ITGB8: variants seen among roughly 807,000 people sequenced by gnomAD.
ITGB8 encodes integrin beta-8.
Under a neutral mutation model 89.5 loss-of-function variants are expected in ITGB8, and 30 were observed. That is an observed-to-expected ratio of 0.34 (90% CI 0.25 to 0.45). The LOEUF (loss-of-function observed/expected upper bound fraction) is 0.45, where lower values mean the gene tolerates loss of function less well. Ranked by LOEUF, ITGB8 falls within the 20% of genes least tolerant of loss-of-function variation. The pLI is 1.00. For synonymous variants in ITGB8, 335 were observed against 320.4 expected (o/e 1.05, Z -0.49); for missense variants, 836 against 933.3 (o/e 0.90, Z 1.36).
chr7:20,342,180 C>T lies in ITGB8; in HGVS notation c.127+10247C>T, dbSNP rs966400378. Among the ~76,000 whole-genome samples the T allele has an allele frequency of 4.6e-5, 7 of 152,122 alleles. No homozygotes were observed. The East Asian group carries it at 7.7e-4, about 17-fold the overall frequency. On this transcript the variant is annotated intron_variant, in intron 1 of 13. Transcript: ENST00000222573. ...TGAAAGAACATCAAGCTCCAGAGGA[C>T]GTAAGAATTGGCCTCCAAGTTGTAT...
At chr7:20,374,979 G>A (rs775878031) in intron 3 of ITGB8, among the ~76,000 whole-genome samples, 16 of 152,178 alleles carry the variant, frequency 1.1e-4, no homozygotes, top group Non-Finnish European at 2.2e-4. Context: ...CAGGCAAAAA[G>A]ACAATGAAGG....
chr7:20,363,155 A>G (rs1158101782), intron 1 of ITGB8, among the ~76,000 whole-genome samples: 1 of 152,176 alleles, frequency 6.6e-6, no homozygotes, highest in Non-Finnish European at 1.5e-5. Flanking sequence ...GCCCATCAAG[A>G]TTGTTTCTCA....
At chr7:20,406,411 G>A (rs1031393345) in intron 12 of ITGB8, among the ~76,000 whole-genome samples, 3 of 152,046 alleles carry the variant, frequency 2.0e-5, no homozygotes, top group African/African-American at 7.2e-5. Context: ...TTGGCCAGGC[G>A]CAGTGGCGGG....
chr7:20,336,221 C>T (rs937465210), intron 1 of ITGB8, among the ~76,000 whole-genome samples: 5 of 151,798 alleles, frequency 3.3e-5, no homozygotes, highest in African/African-American at 7.3e-5. Context: ...TAGCCAGGAT[C>T]GTCTTGATCT....
intron 3 of ITGB8, among the ~76,000 whole-genome samples, chr7:20,377,863 C>T (rs1786216737): frequency 6.6e-6 from 1 of 152,128 alleles, no homozygotes; most frequent in Admixed American, 6.5e-5. Context: ...GGCTGAAAAA[C>T]ATCTGATTTG....
Position 20,391,981 on chromosome 7 carries a change from G to A in ITGB8, c.1056+483G>A, listed in dbSNP as rs188011211. On this transcript the variant is annotated intron_variant, in intron 7 of 13. Coordinates refer to ENST00000222573, the MANE Select transcript of ITGB8 (RefSeq NM_002214.3). The stretch of plus-strand genomic sequence containing the variant: ...CAATAACGGACCAAAAGGGGCCATC[G>A]AAGTGTCTGAGCCAGTCAAAGCCTT... Among the ~76,000 whole-genome samples the A allele has an allele frequency of 6.9e-4, 105 of 152,134 alleles. No individual in the cohort carries two copies. In the Middle Eastern group the frequency reaches 0.014, roughly 20 times the overall value.
intron 1 of ITGB8, chr7:20,346,787 CAG>C (rs1232437748): frequency 1.0e-6 from 1 of 985,146 alleles, no homozygotes; most frequent in Non-Finnish European, 1.2e-6. Context: ...GCTCCACAGG[CAG>C]AGAGGAGGCA....
intron 1 of ITGB8, among the ~76,000 whole-genome samples, chr7:20,351,467 T>C (rs375357019): frequency 9.3e-4 from 142 of 152,364 alleles, no homozygotes; most frequent in Admixed American, 1.6e-3. Flanking sequence ...AAGCTTCAGG[T>C]AGATCATTTA....
At chr7:20,373,214 G>T (rs1786006082) in intron 3 of ITGB8, among the ~76,000 whole-genome samples, 1 of 152,156 alleles carries the variant, frequency 6.6e-6, no homozygotes, top group African/African-American at 2.4e-5. Flanking sequence ...ATTTTAATTG[G>T]ATGTTTTAAA....
At chr7:20,334,255 T>C (rs1189377344) in intron 1 of ITGB8, among the ~76,000 whole-genome samples, 1 of 152,178 alleles carries the variant, frequency 6.6e-6, no homozygotes, top group Non-Finnish European at 1.5e-5. Flanking sequence ...AGAGAAATAA[T>C]AGCACTGTAA....
chr7:20,403,318 C>T (rs777721516), intron 10 of ITGB8, among the ~76,000 whole-genome samples: 6 of 152,184 alleles, frequency 3.9e-5, no homozygotes, highest in Non-Finnish European at 8.8e-5. Context: ...TCTGAAGTCA[C>T]GTCCCACAGC....
In ITGB8 at chr7:20,381,753, T is replaced by A. The variant is rs1786405656; in HGVS notation, c.828T>A (p.Ala276=). The A allele has an allele frequency of 6.2e-7, 1 of 1,612,846 alleles. No individual in the cohort carries two copies. The highest frequency in any genetic ancestry group is 1.3e-5 in the African/African-American group (1 of 74,934). The part of the protein sequence containing the change: ...CESHIGWRKE[A]KRLLLVMTDQ... ...GTCATATCGGATGGCGAAAAGAGGC[T>A]AAAAGATTGCTGCTGGTGATGACAG... Residue 276 remains alanine (A), a synonymous_variant, in exon 6 of 14, where the codon GCT becomes GCA. Transcript: ENST00000222573.
At position 20,331,373 on chromosome 7, in the gene ITGB8, T is replaced by TC. The variant is rs1018315264; in HGVS notation, c.-427dup. 46 of 397,696 alleles carry TC rather than the reference T, an allele frequency of 1.2e-4. No homozygotes were observed. Among genetic ancestry groups the TC allele is most frequent in the South Asian group, 2.8e-4 (2 of 7,166 alleles). The allele number at this position is 397,696 out of a possible 1,614,324, so 24.6% of individuals were successfully genotyped here. On this transcript the variant is annotated 5_prime_UTR_variant, in exon 1 of 14. An upstream open reading frame in the 5' UTR loses its in-frame stop. Coordinates refer to ENST00000222573, the MANE Select transcript of ITGB8 (RefSeq NM_002214.3). ...CCAGTGAATGTACATTAGGGTGGTT[T>TC]CCCCCCCAGCTTCGGGCTTTGTTTG... is the stretch of plus-strand genomic sequence containing the variant.
intron 7 of ITGB8, among the ~76,000 whole-genome samples, chr7:20,392,236 TG>T (rs1368914978): frequency 6.6e-6 from 1 of 152,226 alleles, no homozygotes; most frequent in Non-Finnish European, 1.5e-5. Context: ...ATTTTCATTG[TG>T]CATCTCTGTT....
chr7:20,342,509 A>G (rs1784795794), intron 1 of ITGB8, among the ~76,000 whole-genome samples: 1 of 152,186 alleles, frequency 6.6e-6, no homozygotes, highest in African/African-American at 2.4e-5. Context: ...TTGGTTACAC[A>G]AGACCAGGTT....
At chr7:20,375,717 C>A (rs1786113791) in intron 3 of ITGB8, among the ~76,000 whole-genome samples, 1 of 152,152 alleles carries the variant, frequency 6.6e-6, no homozygotes, top group African/African-American at 2.4e-5. Flanking sequence ...GGAACACTGA[C>A]ATATCATCTA....
intron 10 of ITGB8, among the ~76,000 whole-genome samples, chr7:20,402,920 T>C (rs1787373133): frequency 6.6e-6 from 1 of 152,254 alleles, no homozygotes; most frequent in African/African-American, 2.4e-5. Context: ...ATCTGAGTTC[T>C]GTGATAATTT....
In ITGB8 at chr7:20,367,055, T is replaced by A. The variant is rs935346770; in HGVS notation, c.257T>A (p.Val86Asp). The change falls in exon 3 of 14, where the codon GTT (valine) becomes GAT (aspartate). Residue 86 changes from valine (V) to aspartate (D), a missense_variant. Physicochemically the swap from Val to Asp is radical, Grantham distance 152. Coordinates refer to ENST00000222573, the MANE Select transcript of ITGB8 (RefSeq NM_002214.3). ...TCAAGAAGTGAACGTTGTGATATTG[T>A]TTCCAATTTAATAAGCAAAGGCTGC... ...GGSRSERCDI[V>D]SNLISKGCSV... 6.2e-7 allele frequency: 1 copy of A among 1,612,646 alleles called. No individual in the cohort carries two copies. The highest frequency in any genetic ancestry group is 8.5e-7 in the Non-Finnish European group (1 of 1,179,370).
chr7:20,372,278 T>G (rs1583502717), intron 3 of ITGB8, among the ~76,000 whole-genome samples: 1 of 152,204 alleles, frequency 6.6e-6, no homozygotes, highest in Non-Finnish European at 1.5e-5. Context: ...TAATGATGAT[T>G]TGGTCCTTCT....
Sources: gnomAD v4.1 joint callset for allele counts (sites outside exome capture counted in the v4.1 genomes callset) on GRCh38, gnomAD v4.1.1 for gene constraint, MANE v1.5 for transcripts, NCBI Gene and HGNC (gene_info 2026-07-23, HGNC 2026-07-21) for gene names.